The following CCNY variants were observed in gnomAD, a reference collection of about 807,000 sequenced individuals.
The protein encoded by CCNY is cyclin Y.
In CCNY, 19 loss-of-function variants were observed where a neutral mutation model predicts 42.8. That is an observed-to-expected ratio of 0.44 (90% CI 0.31 to 0.65). CCNY has a LOEUF of 0.65. Ranked by LOEUF, CCNY falls within the 30% of genes least tolerant of loss-of-function variation. The probability of loss-of-function intolerance (pLI) is 0.07; values close to 1 mark genes in which losing one functional copy is unlikely to be tolerated. For synonymous variants in CCNY, 165 were observed against 162.7 expected (o/e 1.01, Z -0.11); for missense variants, 370 against 437.3 (o/e 0.85, Z 1.37).
chr10:35,555,662 C>T (rs4934551), intron 8 of CCNY, among the ~76,000 whole-genome samples: 54,191 of 152,076 alleles, frequency 0.36, 9,921 homozygotes, highest in African/African-American at 0.44. Context: ...CAGTCACAAT[C>T]TATGTTTCTT....
At chr10:35,489,455 C>T (rs1839855105) in intron 2 of CCNY, among the ~76,000 whole-genome samples, 1 of 152,092 alleles carries the variant, frequency 6.6e-6, no homozygotes, top group Non-Finnish European at 1.5e-5. Flanking sequence ...CGCCCACCAC[C>T]ACGCCCAGCT....
intron 8 of CCNY, among the ~76,000 whole-genome samples, chr10:35,562,123 G>T (rs1275256653): frequency 6.6e-6 from 1 of 152,296 alleles, no homozygotes. Context: ...CTCGAGGTTT[G>T]TCTGTTTCTT....
chr10:35,414,102 C>CTTGT (rs1377597216), intron 1 of CCNY, among the ~76,000 whole-genome samples: 8 of 152,264 alleles, frequency 5.3e-5, no homozygotes, highest in Middle Eastern at 3.4e-3. Context: ...TGCTGTGTAA[C>CTTGT]AAGTTACCAG....
intron 3 of CCNY, among the ~76,000 whole-genome samples, chr10:35,251,500 G>A (rs1171924193): frequency 6.6e-6 from 1 of 151,964 alleles, no homozygotes; most frequent in Non-Finnish European, 1.5e-5. Flanking sequence ...AAAGTAACAT[G>A]ACTGCAGATA....
intron 7 of CCNY, among the ~76,000 whole-genome samples, chr10:35,541,270 CAG>C (rs1840995154): frequency 1.3e-5 from 2 of 152,074 alleles, no homozygotes; most frequent in Non-Finnish European, 2.9e-5. Flanking sequence ...GTGAAGAAAG[CAG>C]AGTTCCTATA....
intron 1 of CCNY, among the ~76,000 whole-genome samples, chr10:35,461,623 CTCTT>C (rs1224930769): frequency 6.6e-6 from 1 of 152,176 alleles, no homozygotes; most frequent in East Asian, 1.9e-4. Flanking sequence ...CAAGCAAAGA[CTCTT>C]TCTTTAGAGT....
At chr10:35,542,673 C>T (rs1274235829) in intron 7 of CCNY, among the ~76,000 whole-genome samples, 1 of 152,218 alleles carries the variant, frequency 6.6e-6, no homozygotes, top group Non-Finnish European at 1.5e-5. Context: ...TGCCATTCAA[C>T]CCCTGAACTG....
chr10:35,247,875 C>CAA (rs56166117), intron 1 of CCNY, among the ~76,000 whole-genome samples: 8 of 58,160 alleles, frequency 1.4e-4, no homozygotes, highest in Admixed American at 4.0e-4. Context: ...GACTCCATCT[C>CAA]AAAAAAAAAA....
chr10:35,349,669 C>T, intron 1 of CCNY, among the ~76,000 whole-genome samples: 1 of 152,320 alleles, frequency 6.6e-6, no homozygotes, highest in Non-Finnish European at 1.5e-5. Context: ...AGCAGGGTTT[C>T]TCCCTCCCAG....
chr10:35,323,265 C>T (rs1249281415), intron 3 of CCNY, among the ~76,000 whole-genome samples: 3 of 152,116 alleles, frequency 2.0e-5, no homozygotes, highest in Non-Finnish European at 2.9e-5. Flanking sequence ...ACTTAGCATA[C>T]AACCCAGTAG....
chr10:35,472,575 G>T (rs1054028837), intron 1 of CCNY, among the ~76,000 whole-genome samples: 2 of 152,142 alleles, frequency 1.3e-5, no homozygotes, highest in Non-Finnish European at 2.9e-5. Flanking sequence ...TTAGTACCTA[G>T]TAGATGCTCA....
At chr10:35,478,130 A>G (rs1267558547) in intron 1 of CCNY, among the ~76,000 whole-genome samples, 2 of 149,890 alleles carry the variant, frequency 1.3e-5, no homozygotes, top group Admixed American at 1.3e-4. Context: ...TGCTCAAGGA[A>G]ATAAAAGAGG....
chr10:35,483,695 A>G (rs1333326352), intron 2 of CCNY, among the ~76,000 whole-genome samples: 1 of 152,116 alleles, frequency 6.6e-6, no homozygotes, highest in East Asian at 1.9e-4. Context: ...CATTTTGTCA[A>G]TCAGCTATAT....
intron 3 of CCNY, among the ~76,000 whole-genome samples, chr10:35,285,581 C>T (rs1589016915): frequency 1.3e-5 from 2 of 152,062 alleles, no homozygotes; most frequent in East Asian, 3.9e-4. Context: ...TGTGAGCCAC[C>T]ACAGCTGGCT....
At chr10:35,385,984 T>A (rs1453666735) in intron 1 of CCNY, among the ~76,000 whole-genome samples, 2 of 152,134 alleles carry the variant, frequency 1.3e-5, no homozygotes, top group East Asian at 3.9e-4. Context: ...GTTTTAAGTG[T>A]CTTGCTCCTT....
intron 1 of CCNY, among the ~76,000 whole-genome samples, chr10:35,454,136 C>T (rs891932632): frequency 2.0e-5 from 3 of 152,178 alleles, no homozygotes; most frequent in African/African-American, 7.2e-5. Flanking sequence ...ATCTTGTACT[C>T]GTTCATCCTG....
upstream of CCNY, chr10:35,332,302 C>T (rs1031532570): frequency 2.6e-5 from 4 of 152,322 alleles, no homozygotes; most frequent in Middle Eastern, 3.4e-3. Flanking sequence ...AGGTTCAGGT[C>T]CTGGGCTAAC....
chr10:35,388,726 A>G (rs1242934724), intron 1 of CCNY, among the ~76,000 whole-genome samples: 2 of 152,214 alleles, frequency 1.3e-5, no homozygotes, highest in African/African-American at 2.4e-5. Flanking sequence ...ATACAAATGC[A>G]TTATCTTATA....
At chr10:35,509,564 C>T (rs1043405367) in intron 3 of CCNY, among the ~76,000 whole-genome samples, 9 of 152,240 alleles carry the variant, frequency 5.9e-5, no homozygotes, top group Admixed American at 4.6e-4. Flanking sequence ...CCATGAGCCA[C>T]TGTGCCTAAC....
Sources: allele counts gnomAD v4.1 joint callset (sites outside exome capture counted in the v4.1 genomes callset), GRCh38; gene constraint gnomAD v4.1.1; transcripts MANE v1.5; gene names NCBI Gene and HGNC (gene_info 2026-07-23, HGNC 2026-07-21).